The following VAV3 variants were observed in gnomAD, a reference collection of about 807,000 sequenced individuals.
VAV3 encodes the protein vav guanine nucleotide exchange factor 3.
A neutral mutation model predicts 131.2 loss-of-function variants in VAV3; 94 were observed. The ratio of observed to expected loss-of-function variants is 0.72; its 90% CI spans 0.61 to 0.85. The LOEUF (loss-of-function observed/expected upper bound fraction) is 0.85. VAV3 is among the 40% of genes least tolerant of loss of function. The probability of loss-of-function intolerance (pLI) is 0.00; values close to 1 mark genes in which losing one functional copy is unlikely to be tolerated. For synonymous variants in VAV3, 349 were observed against 342.0 expected, an observed-to-expected ratio of 1.02 and a Z score of -0.22; for missense variants, 939 against 1,002.7, an observed-to-expected ratio of 0.94 and a Z score of 0.86.
rs558533393 is a variant in VAV3, at chr1:107,749,371, T to C, written c.1392+91A>G. On this transcript the variant is annotated intron_variant, in intron 14 of 26. Transcript: ENST00000370056. ...CTAGAAACAAAAACATCTGGATTGA[T>C]AAGCCATATCTCACATTAATGTATT... 18 of 1,361,276 alleles carry C rather than the reference T, an allele frequency of 1.3e-5. 2 individuals carry two copies. In the Admixed American group the frequency reaches 3.9e-4, roughly 29 times the overall value. 84.3% of individuals were successfully genotyped at this position (1,361,276 alleles called of 1,614,324 possible).
At chr1:107,577,813 G>A (rs948647741) in intron 25 of VAV3, among the ~76,000 whole-genome samples, 7 of 152,112 alleles carry the variant, frequency 4.6e-5, no homozygotes, top group Non-Finnish European at 1.0e-4. Flanking sequence ...GGATTTTTTG[G>A]GAAAGAGAAA....
intron 15 of VAV3, among the ~76,000 whole-genome samples, chr1:107,748,570 A>G (rs1557817049): frequency 6.6e-6 from 1 of 152,232 alleles, no homozygotes; most frequent in East Asian, 1.9e-4. Flanking sequence ...ATGCATTTAC[A>G]TATCTGTTTG....
chr1:107,795,385 T>C (rs1666487083), intron 2 of VAV3, among the ~76,000 whole-genome samples: 1 of 152,226 alleles, frequency 6.6e-6, no homozygotes, highest in South Asian at 2.1e-4. Context: ...ATGAAATTCT[T>C]TGGACAGAAA....
intron 2 of VAV3, among the ~76,000 whole-genome samples, chr1:107,847,719 G>C (rs1191426777): frequency 3.3e-5 from 5 of 152,058 alleles, no homozygotes; most frequent in Non-Finnish European, 7.4e-5. Context: ...GACTAAACCA[G>C]GAATAATTCA....
chr1:107,783,327 G>A (rs1346488159), intron 2 of VAV3, among the ~76,000 whole-genome samples: 1 of 152,174 alleles, frequency 6.6e-6, no homozygotes, highest in East Asian at 1.9e-4. Context: ...GGGGCCAGGA[G>A]ACCAACTGAG....
At chr1:107,873,720 T>G (rs758818830) in intron 2 of VAV3, among the ~76,000 whole-genome samples, 1 of 152,118 alleles carries the variant, frequency 6.6e-6, no homozygotes, top group Non-Finnish European at 1.5e-5. Context: ...TTCCAGAGAT[T>G]AAAGGAATCT....
At chr1:107,704,900 G>C in intron 16 of VAV3, 60 bp downstream of exon 16, 1 of 1,516,314 alleles carries the variant, frequency 6.6e-7, no homozygotes, top group Non-Finnish European at 9.1e-7. Context: ...AGAAAAGTCT[G>C]AAACACTTAG....
chr1:107,843,853 G>A (rs1400473759), intron 2 of VAV3, among the ~76,000 whole-genome samples: 52 of 152,002 alleles, frequency 3.4e-4, no homozygotes, highest in Admixed American at 1.3e-4. Flanking sequence ...TTTCCACTGT[G>A]GGGGTTCAAA....
At chr1:107,795,257 T>C (rs1251198329) in intron 2 of VAV3, among the ~76,000 whole-genome samples, 1 of 152,228 alleles carries the variant, frequency 6.6e-6, no homozygotes, top group African/African-American at 2.4e-5. Flanking sequence ...TGGACGAAGT[T>C]ACCAAGATAA....
At chr1:107,855,263 A>T (rs1669417559) in intron 2 of VAV3, among the ~76,000 whole-genome samples, 1 of 151,992 alleles carries the variant, frequency 6.6e-6, no homozygotes, top group African/African-American at 2.4e-5. Flanking sequence ...AATCTCTGGT[A>T]TTTAACTCTA....
chr1:107,615,144 TA>T (rs546996842), intron 21 of VAV3, among the ~76,000 whole-genome samples: 49 of 152,016 alleles, frequency 3.2e-4, no homozygotes, highest in Non-Finnish European at 4.6e-4. Flanking sequence ...TGAAACAGAA[TA>T]AAGAGCCCAG....
intron 15 of VAV3, among the ~76,000 whole-genome samples, chr1:107,736,644 C>A (rs552698828): frequency 2.6e-5 from 4 of 152,194 alleles, no homozygotes; most frequent in East Asian, 3.9e-4. Context: ...ATCCAACTTA[C>A]AAGGGATGTG....
intron 2 of VAV3, among the ~76,000 whole-genome samples, chr1:107,786,413 G>T (rs2102255143): frequency 6.6e-6 from 1 of 152,276 alleles, no homozygotes; most frequent in East Asian, 1.9e-4. Flanking sequence ...TACTAGCAAG[G>T]TAAGGACGGG....
intron 1 of VAV3, among the ~76,000 whole-genome samples, chr1:107,886,408 G>A (rs537008790): frequency 6.6e-6 from 1 of 152,318 alleles, no homozygotes; most frequent in Non-Finnish European, 1.5e-5. Flanking sequence ...GCCTCTCGGG[G>A]AGGGGTTCTA....
At chr1:107,957,051 AG>A (rs1448137707) in intron 1 of VAV3, among the ~76,000 whole-genome samples, 5 of 152,162 alleles carry the variant, frequency 3.3e-5, no homozygotes, top group African/African-American at 1.2e-4. Flanking sequence ...GTATTAAGAG[AG>A]TGGGATGCAT....
intron 1 of VAV3, among the ~76,000 whole-genome samples, chr1:107,917,530 T>C (rs1042439485): frequency 1.3e-5 from 2 of 152,174 alleles, no homozygotes; most frequent in African/African-American, 4.8e-5. Flanking sequence ...AAAAAAATAC[T>C]AGACATTTTC....
At chr1:107,793,433 T>C (rs926285194) in intron 2 of VAV3, among the ~76,000 whole-genome samples, 10 of 152,230 alleles carry the variant, frequency 6.6e-5, no homozygotes, top group Admixed American at 2.0e-4. Context: ...ATTTATATAT[T>C]GTCTCCCAGA....
At position 107,918,701 on chromosome 1, in the gene VAV3, A is replaced by G. The variant is rs1296202386; in HGVS notation, c.205-43684T>C. The stretch of plus-strand genomic sequence containing the variant: ...ATTTTTAAGGCATATATATATATAT[A>G]TATATTTTTTTTTTTTTTTGAGAGA... On this transcript the variant is annotated intron_variant, in intron 1 of 26. Coordinates refer to ENST00000370056, the MANE Select transcript of VAV3 (RefSeq NM_006113.5). Among the ~76,000 whole-genome samples, 11 of 79,098 alleles carry G rather than the reference A, an allele frequency of 1.4e-4. No individual in the cohort carries two copies. In the Admixed American group the frequency reaches 1.7e-3, roughly 12 times the overall value. 51.9% of individuals were successfully genotyped at this position (79,098 alleles called of 152,430 possible). A position where few individuals can be genotyped will look rare whatever the true frequency, so the allele number is the denominator to read the frequency against.
At chr1:107,688,697 TA>T (rs932424328) in intron 17 of VAV3, among the ~76,000 whole-genome samples, 1 of 152,152 alleles carries the variant, frequency 6.6e-6, no homozygotes, top group Admixed American at 6.5e-5. Context: ...TAAAGCTCCT[TA>T]AAACAGGGGC....
Sources: allele counts gnomAD v4.1 joint callset (sites outside exome capture counted in the v4.1 genomes callset), GRCh38; gene constraint gnomAD v4.1.1; transcripts MANE v1.5; gene names NCBI Gene and HGNC (gene_info 2026-07-23, HGNC 2026-07-21).